The following GMDS variants were observed in gnomAD, a reference collection of about 807,000 sequenced individuals.
GMDS encodes GDP-mannose 4,6-dehydratase.
In GMDS, 20 loss-of-function variants were observed where a neutral mutation model predicts 49.9. That is an observed-to-expected ratio of 0.40 (90% confidence interval 0.28 to 0.58). The LOEUF (loss-of-function observed/expected upper bound fraction) is 0.58, where lower values mean the gene tolerates loss of function less well. GMDS is among the 20% of genes least tolerant of loss of function. GMDS has a pLI of 0.42. For synonymous variants in GMDS, 177 were observed against 178.6 expected, an observed-to-expected ratio of 0.99 and a Z score of 0.07; for missense variants, 362 against 481.4, an observed-to-expected ratio of 0.75 and a Z score of 2.32.
At chr6:1,886,862 T>C (rs1278995957) in intron 7 of GMDS, among the ~76,000 whole-genome samples, 1 of 152,236 alleles carries the variant, frequency 6.6e-6, no homozygotes, top group South Asian at 2.1e-4. Flanking sequence ...TCACTAACAA[T>C]TGGCAGATTT....
At chr6:1,674,295 T>C (rs147628199) in intron 9 of GMDS, among the ~76,000 whole-genome samples, 1 of 152,338 alleles carries the variant, frequency 6.6e-6, no homozygotes, top group East Asian at 1.9e-4. Context: ...TATTTTCATA[T>C]GCTTACTTGC....
intron 9 of GMDS, among the ~76,000 whole-genome samples, chr6:1,705,157 T>C (rs1245729163): frequency 1.3e-5 from 2 of 152,154 alleles, no homozygotes; most frequent in Non-Finnish European, 2.9e-5. Flanking sequence ...GGGATACAAA[T>C]GGAACAAAAC....
At chr6:2,050,637 C>A (rs1770332920) in intron 4 of GMDS, among the ~76,000 whole-genome samples, 1 of 152,162 alleles carries the variant, frequency 6.6e-6, no homozygotes, top group Admixed American at 6.5e-5. Flanking sequence ...CAATAAAATA[C>A]TGGCAAACCG....
At chr6:1,767,200 C>G (rs973404621) in intron 7 of GMDS, among the ~76,000 whole-genome samples, 3 of 152,080 alleles carry the variant, frequency 2.0e-5, no homozygotes, top group South Asian at 4.2e-4. Flanking sequence ...TTCCACCCAC[C>G]ACCCCCCCAA....
At chr6:1,753,247 C>T (rs1208133915) in intron 7 of GMDS, among the ~76,000 whole-genome samples, 1 of 152,102 alleles carries the variant, frequency 6.6e-6, no homozygotes, top group Admixed American at 6.5e-5. Flanking sequence ...CAATCCTAGT[C>T]TCTGATAAAA....
chr6:1,783,467 G>A (rs753287219), intron 7 of GMDS, among the ~76,000 whole-genome samples: 5 of 152,178 alleles, frequency 3.3e-5, no homozygotes, highest in Non-Finnish European at 7.3e-5. Flanking sequence ...CCTAATGCCT[G>A]ACTCAAGTAT....
intron 7 of GMDS, among the ~76,000 whole-genome samples, chr6:1,789,443 C>G (rs765831271): frequency 3.0e-4 from 46 of 152,054 alleles, no homozygotes; most frequent in African/African-American, 1.0e-3. Context: ...GATGTAGTCT[C>G]CCTCCTAGGA....
intron 9 of GMDS, among the ~76,000 whole-genome samples, chr6:1,641,662 C>T (rs1399824233): frequency 1.3e-5 from 2 of 152,238 alleles, no homozygotes; most frequent in African/African-American, 2.4e-5. Flanking sequence ...AAGGCATTAC[C>T]TCCAGCAGTC....
At chr6:1,746,087 C>T (rs926606143) in intron 7 of GMDS, among the ~76,000 whole-genome samples, 1 of 152,208 alleles carries the variant, frequency 6.6e-6, no homozygotes, top group Non-Finnish European at 1.5e-5. Context: ...TTCACCCGTT[C>T]TCACCTTCCT....
intron 4 of GMDS, among the ~76,000 whole-genome samples, chr6:2,069,296 T>A (rs1429444569): frequency 6.6e-6 from 1 of 152,100 alleles, no homozygotes; most frequent in African/African-American, 2.4e-5. Context: ...AAACGTTAGA[T>A]CTAAAACGAT....
At chr6:2,204,792 T>C (rs904051977) in intron 1 of GMDS, among the ~76,000 whole-genome samples, 11 of 152,196 alleles carry the variant, frequency 7.2e-5, no homozygotes, top group African/African-American at 2.7e-4. Flanking sequence ...TCATATAATG[T>C]CCCTTTCGCC....
At chr6:1,960,239 C>G (rs1763863796) in intron 5 of GMDS, among the ~76,000 whole-genome samples, 1 of 152,132 alleles carries the variant, frequency 6.6e-6, no homozygotes, top group Non-Finnish European at 1.5e-5. Context: ...CTTTTTCTCT[C>G]TCATTCTCTC....
chr6:2,245,261 G>C, intron 1 of GMDS, 60 bp downstream of exon 1: 1 of 1,136,882 alleles, frequency 8.8e-7, no homozygotes, highest in Non-Finnish European at 1.3e-6. Flanking sequence ...GTAGCGGCGC[G>C]TAGGGAGAGC....
intron 9 of GMDS, among the ~76,000 whole-genome samples, chr6:1,665,838 G>A (rs918927148): frequency 6.6e-6 from 1 of 152,166 alleles, no homozygotes; most frequent in Non-Finnish European, 1.5e-5. Context: ...AAGGAAGCCC[G>A]CTGTGTGAAA....
chr6:2,047,269 A>T (rs1020011740), intron 4 of GMDS, among the ~76,000 whole-genome samples: 1 of 152,186 alleles, frequency 6.6e-6, no homozygotes, highest in African/African-American at 2.4e-5. Flanking sequence ...AGTTATATTA[A>T]GAGTTGTGAG....
chr6:1,645,731 T>C (rs1022842701), intron 9 of GMDS, among the ~76,000 whole-genome samples: 1 of 152,232 alleles, frequency 6.6e-6, no homozygotes, highest in East Asian at 1.9e-4. Flanking sequence ...GGCTGCATTC[T>C]TCTTTCCAGC....
At chr6:1,761,659 G>C (rs764586003) in intron 7 of GMDS, among the ~76,000 whole-genome samples, 14 of 151,664 alleles carry the variant, frequency 9.2e-5, no homozygotes, top group Non-Finnish European at 1.6e-4. Flanking sequence ...TATTTTTTTT[G>C]CTTGTGTCAA....
intron 7 of GMDS, among the ~76,000 whole-genome samples, chr6:1,808,379 TA>T (rs1384371504): frequency 1.3e-5 from 2 of 152,216 alleles, no homozygotes; most frequent in East Asian, 3.8e-4. Context: ...TTGCCACTTC[TA>T]CCACACATAC....
At chr6:2,035,833 T>G (rs1769273594) in intron 4 of GMDS, among the ~76,000 whole-genome samples, 1 of 152,034 alleles carries the variant, frequency 6.6e-6, no homozygotes, top group Non-Finnish European at 1.5e-5. Flanking sequence ...ATTACAGGTG[T>G]GCACCACCAT....
Sources: allele counts gnomAD v4.1 joint callset (sites outside exome capture counted in the v4.1 genomes callset), GRCh38; gene constraint gnomAD v4.1.1; transcripts MANE v1.5; gene names NCBI Gene and HGNC (gene_info 2026-07-23, HGNC 2026-07-21).